The following C5AR1 variants were observed in gnomAD, a reference collection of about 807,000 sequenced individuals.
C5AR1 encodes the protein complement C5a receptor 1.
In C5AR1, 4 loss-of-function variants were observed where a neutral mutation model predicts 2.4. The observed-to-expected ratio is 1.65, with a 90% CI of 0.81 to 3.77. The LOEUF (loss-of-function observed/expected upper bound fraction) is 3.77. Ranked by LOEUF, C5AR1 falls within the 30% of genes most tolerant of loss-of-function variation. C5AR1 has a pLI of 0.01. For missense variants in C5AR1, 418 were observed against 462.5 expected (o/e 0.90, Z 0.88); for synonymous variants, 209 against 210.4 (o/e 0.99, Z 0.06).
At chr19:47,318,450 C>T (rs1259074471) in intron 1 of C5AR1, among the ~76,000 whole-genome samples, 2 of 151,926 alleles carry the variant, frequency 1.3e-5, no homozygotes, top group South Asian at 2.1e-4. Context: ...CCCGCCACCA[C>T]GCCTGGCTAA....
chr19:47,308,486 A>G (rs954151440), upstream of C5AR1, among the ~76,000 whole-genome samples: 1 of 151,906 alleles, frequency 6.6e-6, no homozygotes, highest in African/African-American at 2.4e-5. Context: ...GGGACAGGGT[A>G]GCTCCATTTT....
At position 47,320,294 on chromosome 19, in the gene C5AR1, C is replaced by T; in HGVS notation, c.517C>T (p.Leu173=). 1 of 1,612,470 alleles carries T rather than the reference C, an allele frequency of 6.2e-7. No homozygotes were observed. ...CCTGCTGCTGACCATACCCTCCTTC[C>T]TGTACCGGGTGGTCCGGGAGGAGTA... The part of the protein sequence containing the change: ...LALLLTIPSF[L]YRVVREEYFP... The change falls in exon 2 of 2, where the codon CTG becomes TTG. Residue 173 remains leucine, a synonymous_variant. Transcript: ENST00000355085. The surrounding 1 kb of genome is among the most constrained non-coding windows in gnomAD (Gnocchi z 4.9).
At position 47,320,611 on chromosome 19, in the gene C5AR1, G is replaced by A; in HGVS notation, c.834G>A (p.Leu278=). The A allele has an allele frequency of 6.2e-7, 1 of 1,614,068 alleles. No individual in the cohort carries two copies. The highest frequency in any genetic ancestry group is 8.5e-7 in the Non-Finnish European group (1 of 1,179,974). ...CATCGTCACCCACCTTCCTGCTGCT[G>A]AAGAAGCTGGACTCCCTGTGTGTCT... ...LEPSSPTFLL[L]KKLDSLCVSF... The change falls in exon 2 of 2, where the codon CTG becomes CTA. Residue 278 remains leucine (L), a synonymous_variant. Transcript: ENST00000355085. This position sits in a 1 kb window ranked among gnomAD's most constrained non-coding sequence, Gnocchi z 4.9.
rs199775182 is a variant in C5AR1, at chr19:47,320,252, G to A, written c.475G>A (p.Val159Met). The A allele has an allele frequency of 1.2e-5, 19 of 1,613,866 alleles. No individual in the cohort carries two copies. In the African/African-American group the frequency reaches 1.3e-4, roughly 11 times the overall value. The change falls in exon 2 of 2, where the codon GTG (valine) becomes ATG (methionine). Residue 159 changes from valine (V) to methionine (M), a missense_variant. Val to Met is a conservative substitution (Grantham distance 21). Transcript: ENST00000355085. This position sits in a 1 kb window ranked among gnomAD's most constrained non-coding sequence, Gnocchi z 4.9. Reference sequence around the variant, plus strand: ...TGGCTTGGCCTGGATCGCCTGTGCCGTGGCTTGGGGTTTAGCCCTGCTGCT... The same window carrying A: ...TGGCTTGGCCTGGATCGCCTGTGCCATGGCTTGGGGTTTAGCCCTGCTGCT... ...GAGLAWIACA[V>M]AWGLALLLTI...
chr19:47,312,545 A>C (rs2059274239), intron 1 of C5AR1, among the ~76,000 whole-genome samples: 1 of 152,218 alleles, frequency 6.6e-6, no homozygotes, highest in Non-Finnish European at 1.5e-5. Flanking sequence ...CCAGCCTTAT[A>C]AATGGCAGTA....
upstream of C5AR1, among the ~76,000 whole-genome samples, chr19:47,309,041 C>G (rs1262943096): frequency 6.6e-6 from 1 of 152,116 alleles, no homozygotes; most frequent in African/African-American, 2.4e-5. Flanking sequence ...TCCCAAAGTG[C>G]TGGGATTATA....
At chr19:47,319,238 C>T (rs922047395) in intron 1 of C5AR1, among the ~76,000 whole-genome samples, 8 of 149,660 alleles carry the variant, frequency 5.3e-5, no homozygotes, top group African/African-American at 9.8e-5. Flanking sequence ...CCAGGGGCTT[C>T]GCAGGATGGG....
Position 47,320,631 on chromosome 19 carries a change from G to T in C5AR1, c.854G>T (p.Cys285Phe). 1 of 1,614,118 alleles carries T rather than the reference G, an allele frequency of 6.2e-7. No individual in the cohort carries two copies. Among genetic ancestry groups the T allele is most frequent in the South Asian group, 1.1e-5 (1 of 91,090 alleles). The change falls in exon 2 of 2, where the codon TGT (cysteine) becomes TTT (phenylalanine). Residue 285 changes from cysteine (C) to phenylalanine (F), a missense_variant. By Grantham distance (205) the Cys-to-Phe change is radical. Transcript: ENST00000355085. The surrounding 1 kb of genome is among the most constrained non-coding windows in gnomAD (Gnocchi z 4.9). The part of the protein sequence containing the change: ...FLLLKKLDSL[C>F]VSFAYINCCI... ...CTGCTGAAGAAGCTGGACTCCCTGT[G>T]TGTCTCCTTTGCCTACATCAACTGC...
At chr19:47,307,887 T>A (rs2059258253), upstream of C5AR1, 1 of 151,914 alleles carries the variant, frequency 6.6e-6, no homozygotes. Context: ...CCGCCTGATC[T>A]GTCAGATCAG....
upstream of C5AR1, among the ~76,000 whole-genome samples, chr19:47,308,098 A>C (rs1183450281): frequency 1.3e-5 from 2 of 151,734 alleles, no homozygotes; most frequent in African/African-American, 2.4e-5. Context: ...CTGTAGTCCC[A>C]GCTACTCGGG....
At chr19:47,309,432 G>A (rs60925053), upstream of C5AR1, among the ~76,000 whole-genome samples, 49,299 of 151,642 alleles carry the variant, frequency 0.33, 8,315 homozygotes, top group East Asian at 0.48. Flanking sequence ...AAAATTAGCC[G>A]GGGGTGGTGA....
upstream of C5AR1, among the ~76,000 whole-genome samples, chr19:47,307,936 C>T (rs549343872): frequency 3.3e-5 from 5 of 151,838 alleles, no homozygotes; most frequent in East Asian, 2.0e-4. Flanking sequence ...GAACCCAGGC[C>T]GGGCGCAGTG....
intron 1 of C5AR1, 67 bp downstream of exon 1, chr19:47,309,965 G>T (rs907060791): frequency 1.3e-6 from 2 of 1,541,318 alleles, no homozygotes; most frequent in East Asian, 4.6e-5. Flanking sequence ...TGCTCCAGTG[G>T]GTCCTTCTCT....
chr19:47,319,994 A>G lies in C5AR1; in HGVS notation c.217A>G (p.Ile73Val). 1.2e-6 allele frequency: 2 copies of G among 1,614,222 alleles called. No homozygotes were observed. Among genetic ancestry groups the G allele is most frequent in the Non-Finnish European group, 1.7e-6 (2 of 1,180,048 alleles). The change falls in exon 2 of 2, where the codon ATC becomes GTC. Residue 73 changes from isoleucine (I) to valine (V), a missense_variant. Transcript: ENST00000355085. ...AFEAKRTINA[I>V]WFLNLAVADF... ...CGAGGCCAAGCGGACCATCAATGCC[A>G]TCTGGTTCCTCAACTTGGCGGTAGC...
intron 1 of C5AR1, among the ~76,000 whole-genome samples, chr19:47,311,515 G>GAA (rs199728588): frequency 8.0e-4 from 117 of 146,298 alleles, no homozygotes; most frequent in Non-Finnish European, 1.3e-3. Context: ...AACAAACATA[G>GAA]AAAAAAAAAA....
chr19:47,310,527 G>A (rs559321714), intron 1 of C5AR1, among the ~76,000 whole-genome samples: 8 of 152,184 alleles, frequency 5.3e-5, no homozygotes, highest in Non-Finnish European at 1.0e-4. Context: ...GTCTTGCACT[G>A]TTGCCCAGGC....
chr19:47,317,855 C>T (rs1391117514), intron 1 of C5AR1, among the ~76,000 whole-genome samples: 1 of 151,616 alleles, frequency 6.6e-6, no homozygotes, highest in Non-Finnish European at 1.5e-5. Context: ...GTGGCAGGTG[C>T]CTTTAGTCCC....
intron 1 of C5AR1, among the ~76,000 whole-genome samples, chr19:47,313,621 G>A (rs2059277426): frequency 6.6e-6 from 1 of 152,030 alleles, no homozygotes; most frequent in African/African-American, 2.4e-5. Context: ...GCGGGCACCT[G>A]TAGTCCCAGC....
chr19:47,317,498 A>T (rs2059293413), intron 1 of C5AR1, among the ~76,000 whole-genome samples: 1 of 98,806 alleles, frequency 1.0e-5, no homozygotes, highest in South Asian at 3.6e-4. Context: ...ACAGAGTGAG[A>T]CTCAGTCTCA....
Sources: allele counts gnomAD v4.1 joint callset (sites outside exome capture counted in the v4.1 genomes callset), GRCh38; gene constraint gnomAD v4.1.1; non-coding constraint Gnocchi (gnomAD v3.1); transcripts MANE v1.5; gene names NCBI Gene and HGNC (gene_info 2026-07-23, HGNC 2026-07-21).